Variants in NHSL1 observed in about 807,000 individuals in gnomAD.
NHSL1 encodes the protein NHS like 1, also known as NHS-like protein 1.
In NHSL1, 48 loss-of-function variants were observed where a neutral mutation model predicts 95.0. That is an observed-to-expected ratio of 0.51 (90% CI 0.40 to 0.64). NHSL1 has a LOEUF of 0.64. NHSL1 is among the 30% of genes least tolerant of loss of function. The pLI, the probability that NHSL1 is intolerant of heterozygous loss-of-function variation, is 0.00. For missense variants in NHSL1, 1,971 were observed against 2,077.7 expected, an observed-to-expected ratio of 0.95 and a Z score of 1.00; for synonymous variants, 783 against 833.9, an observed-to-expected ratio of 0.94 and a Z score of 1.05.
intron 1 of NHSL1, among the ~76,000 whole-genome samples, chr6:138,614,753 G>A (rs536661297): frequency 6.6e-5 from 10 of 152,266 alleles, no homozygotes; most frequent in Non-Finnish European, 1.3e-4. Context: ...AAGCATTACC[G>A]CCTGAGCTCC....
At chr6:138,539,588 T>TA (rs1298217438) in intron 1 of NHSL1, among the ~76,000 whole-genome samples, 6 of 152,152 alleles carry the variant, frequency 3.9e-5, no homozygotes, top group African/African-American at 1.4e-4. Context: ...GTAGGGGGCC[T>TA]AAAAAAGACA....
At chr6:138,548,597 C>T (rs777657366), upstream of NHSL1, among the ~76,000 whole-genome samples, 1 of 152,140 alleles carries the variant, frequency 6.6e-6, no homozygotes, top group Non-Finnish European at 1.5e-5. Flanking sequence ...ATTGGATGCC[C>T]TAATAGTTAG....
chr6:138,566,967 T>C (rs923413704), intron 1 of NHSL1, among the ~76,000 whole-genome samples: 2 of 152,196 alleles, frequency 1.3e-5, no homozygotes, highest in African/African-American at 4.8e-5. Context: ...TTCCGATATA[T>C]GTAGTAACCA....
intron 1 of NHSL1, among the ~76,000 whole-genome samples, chr6:138,530,162 G>A (rs1782075620): frequency 6.6e-6 from 1 of 152,132 alleles, no homozygotes; most frequent in Non-Finnish European, 1.5e-5. Flanking sequence ...TCATCAGAGT[G>A]GAGACCCCAT....
At chr6:138,508,709 C>A (rs1233378653) in intron 1 of NHSL1, among the ~76,000 whole-genome samples, 1 of 152,178 alleles carries the variant, frequency 6.6e-6, no homozygotes, top group Non-Finnish European at 1.5e-5. Context: ...ACTTGGCATA[C>A]CTCTATTCAT....
chr6:138,638,559 CAAG>C (rs1784918545), intron 1 of NHSL1, among the ~76,000 whole-genome samples: 1 of 151,998 alleles, frequency 6.6e-6, no homozygotes, highest in Admixed American at 6.6e-5. Flanking sequence ...TACTTACTGT[CAAG>C]GAGGTAGGAA....
chr6:138,619,731 C>T (rs372060646), intron 1 of NHSL1, among the ~76,000 whole-genome samples: 4 of 151,904 alleles, frequency 2.6e-5, no homozygotes, highest in Admixed American at 2.0e-4. Flanking sequence ...AGACAGATCA[C>T]GAGGTCAAGA....
At chr6:138,659,459 T>C (rs1332042529) in intron 1 of NHSL1, among the ~76,000 whole-genome samples, 1 of 152,080 alleles carries the variant, frequency 6.6e-6, no homozygotes, top group African/African-American at 2.4e-5. Context: ...TGAAGGAGAA[T>C]TAATATTTCT....
chr6:138,450,145 G>A (rs1777133932), intron 3 of NHSL1, among the ~76,000 whole-genome samples: 1 of 152,136 alleles, frequency 6.6e-6, no homozygotes, highest in African/African-American at 2.4e-5. Context: ...TTGCAGTTGT[G>A]ACACTTAAGT....
intron 2 of NHSL1, among the ~76,000 whole-genome samples, chr6:138,484,838 T>C (rs1187551015): frequency 6.6e-6 from 1 of 152,244 alleles, no homozygotes; most frequent in African/African-American, 2.4e-5. Context: ...TAGCTTTGTT[T>C]TTCATTGCAC....
intron 4 of NHSL1, among the ~76,000 whole-genome samples, chr6:138,443,919 A>T (rs1272566998): frequency 6.6e-6 from 1 of 152,248 alleles, no homozygotes; most frequent in Non-Finnish European, 1.5e-5. Flanking sequence ...CTCCCAGAAA[A>T]TTAAGAAACA....
In NHSL1 at chr6:138,505,266, A is replaced by T. The variant is rs145054402; in HGVS notation, c.17-8895T>A. Among the ~76,000 whole-genome samples, 23 of 152,370 alleles carry T rather than the reference A, an allele frequency of 1.5e-4. 1 individual carries two copies. The East Asian group carries it at 4.4e-3, about 29-fold the overall frequency. On this transcript the variant is annotated intron_variant, in intron 1 of 4. Transcript: ENST00000342260. The stretch of plus-strand genomic sequence containing the variant: ...ATATTGACTAAAAAGGGTCATTTTC[A>T]AATATTGTACACAGGAGTTTATGCA...
intron 2 of NHSL1, 69 bp from the exon 3 acceptor site, chr6:138,473,502 G>A (rs376398840): frequency 1.4e-4 from 186 of 1,306,340 alleles, no homozygotes; most frequent in African/African-American, 6.3e-4. Flanking sequence ...CTTACTTTAC[G>A]TTTACTCCTC....
At chr6:138,486,169 C>G (rs1417699092) in intron 2 of NHSL1, among the ~76,000 whole-genome samples, 1 of 152,114 alleles carries the variant, frequency 6.6e-6, no homozygotes, top group African/African-American at 2.4e-5. Flanking sequence ...CTGCTGACTC[C>G]TTTTGTCTAC....
At position 138,432,392 on chromosome 6, in the gene NHSL1, C is replaced by G. The variant is rs759505732; in HGVS notation, c.1953G>C (p.Arg651=). 6.4e-7 allele frequency: 1 copy of G among 1,552,166 alleles called. No individual in the cohort carries two copies. ...ATAGGGATTTATCCTGGTAATTGGA[C>G]CGGTCCCCTTGGTTTTTCTGAGCTC... is the stretch of plus-strand genomic sequence containing the variant. ...VGRAQKNQGD[R]SNYQDKSLSR... Residue 651 remains arginine, a synonymous_variant, in exon 6 of 8, where the codon CGG becomes CGC. Transcript: ENST00000343505. This position sits in a 1 kb window ranked among gnomAD's most constrained non-coding sequence, Gnocchi z 4.4.
chr6:138,670,222 C>T (rs1427949410), intron 1 of NHSL1, among the ~76,000 whole-genome samples: 1 of 152,114 alleles, frequency 6.6e-6, no homozygotes. Flanking sequence ...CCCCTTCAAA[C>T]ACTCAGACCT....
chr6:138,442,160 A>G, intron 4 of NHSL1, 46 bp from the exon 5 acceptor site: 1 of 1,482,828 alleles, frequency 6.7e-7, no homozygotes, highest in Non-Finnish European at 9.0e-7. Context: ...ATTTTCAAGC[A>G]AGCTGACACC....
intron 1 of NHSL1, among the ~76,000 whole-genome samples, chr6:138,600,810 C>A (rs1784361421): frequency 6.6e-6 from 1 of 152,150 alleles, no homozygotes; most frequent in South Asian, 2.1e-4. Context: ...TTTAAAATAA[C>A]CCTAACCTCC....
intron 1 of NHSL1, among the ~76,000 whole-genome samples, chr6:138,615,539 C>T (rs545357487): frequency 3.9e-5 from 6 of 152,332 alleles, no homozygotes; most frequent in South Asian, 2.1e-4. Flanking sequence ...GGCACAACCT[C>T]GGCTCACTGC....
Sources: gnomAD v4.1 joint callset for allele counts (sites outside exome capture counted in the v4.1 genomes callset) on GRCh38, gnomAD v4.1.1 for gene constraint, Gnocchi (gnomAD v3.1) non-coding constraint, MANE v1.5 for transcripts, NCBI Gene and HGNC (gene_info 2026-07-23, HGNC 2026-07-21) for gene names.